The following CSMD1 variants were observed in gnomAD, a reference collection of about 807,000 sequenced individuals.
CSMD1 encodes CUB and Sushi multiple domains 1.
A neutral mutation model predicts 417.5 loss-of-function variants in CSMD1; 213 were observed. That is an observed-to-expected ratio of 0.51 (90% CI 0.46 to 0.57). The LOEUF is 0.57. Among genes scored for constraint, CSMD1 ranks in the 20% least tolerant of loss-of-function variants. The pLI, the probability that CSMD1 is intolerant of heterozygous loss-of-function variation, is 0.00. For missense variants in CSMD1, 6,923 were observed against 4,529.7 expected, an observed-to-expected ratio of 1.53 and a Z score of -15.17; for synonymous variants, 2,862 against 1,736.8, an observed-to-expected ratio of 1.65 and a Z score of -16.11.
chr8:3,986,501 A>G (rs1023174984), intron 5 of CSMD1, among the ~76,000 whole-genome samples: 1 of 152,184 alleles, frequency 6.6e-6, no homozygotes, highest in Non-Finnish European at 1.5e-5. Flanking sequence ...TACCAAAAGC[A>G]AGATCCTTCT....
intron 3 of CSMD1, among the ~76,000 whole-genome samples, chr8:4,166,693 A>G (rs1012394783): frequency 4.6e-5 from 7 of 152,168 alleles, no homozygotes; most frequent in Non-Finnish European, 1.0e-4. Flanking sequence ...AAATCAAGAA[A>G]ATCAGCTCTA....
At chr8:4,671,077 C>G (rs1458138703) in intron 1 of CSMD1, among the ~76,000 whole-genome samples, 1 of 152,196 alleles carries the variant, frequency 6.6e-6, no homozygotes, top group Admixed American at 6.5e-5. Flanking sequence ...CAAAGCAGAA[C>G]CCTGCTGGTT....
chr8:3,457,166 C>G (rs1816204425), intron 12 of CSMD1, among the ~76,000 whole-genome samples: 1 of 125,806 alleles, frequency 7.9e-6, no homozygotes, highest in Non-Finnish European at 1.9e-5. Context: ...TCCTGTACCT[C>G]TCTTCCTGGA....
At chr8:3,308,732 G>GTTTTTTTTTTTTTTT (rs5888961) in intron 23 of CSMD1, among the ~76,000 whole-genome samples, 1 of 108,930 alleles carries the variant, frequency 9.2e-6, no homozygotes, top group African/African-American at 3.6e-5. Context: ...CTACTTACAA[G>GTTTTTTTTTTTTTTT]TTTTTTTTTT....
chr8:3,773,855 T>C (rs959834463), intron 5 of CSMD1, among the ~76,000 whole-genome samples: 13 of 152,184 alleles, frequency 8.5e-5, no homozygotes, highest in Admixed American at 7.9e-4. Context: ...ATTGTATTTA[T>C]TTTGATCATT....
At chr8:3,409,364 C>G (rs922418945) in intron 13 of CSMD1, 59 bp downstream of exon 13, 17 of 1,416,910 alleles carry the variant, frequency 1.2e-5, no homozygotes, top group Non-Finnish European at 1.6e-5. Flanking sequence ...TTCTCCTTTT[C>G]TCCCCTTGCA....
intron 10 of CSMD1, among the ~76,000 whole-genome samples, chr8:3,534,886 T>G (rs968450984): frequency 1.3e-5 from 2 of 152,230 alleles, no homozygotes; most frequent in Non-Finnish European, 2.9e-5. Context: ...AGCTACTTGG[T>G]ACAAATGGTT....
intron 3 of CSMD1, among the ~76,000 whole-genome samples, chr8:4,397,360 C>T (rs777531958): frequency 4.0e-5 from 6 of 151,682 alleles, no homozygotes; most frequent in Admixed American, 1.3e-4. Flanking sequence ...AAGAGGAAGT[C>T]GAAAAAGATA....
intron 49 of CSMD1, among the ~76,000 whole-genome samples, chr8:3,060,025 G>C (rs1419048167): frequency 2.0e-5 from 3 of 152,220 alleles, no homozygotes; most frequent in East Asian, 3.9e-4. Flanking sequence ...TGAAGACCAT[G>C]AAGTATTTCT....
At chr8:4,345,514 G>T (rs1800729293) in intron 3 of CSMD1, among the ~76,000 whole-genome samples, 1 of 152,152 alleles carries the variant, frequency 6.6e-6, no homozygotes, top group Admixed American at 6.6e-5. Flanking sequence ...GTGACAAAGT[G>T]AAGAGACAAC....
chr8:3,764,739 CTTTTT>C (rs66603480), intron 5 of CSMD1, among the ~76,000 whole-genome samples: 21,869 of 130,008 alleles, frequency 0.17, 1,459 homozygotes, highest in Admixed American at 0.22. Context: ...TTTTCTCTTT[CTTTTT>C]TTTTTTTTTT....
intron 4 of CSMD1, among the ~76,000 whole-genome samples, chr8:4,009,110 T>G (rs1472964577): frequency 6.6e-6 from 1 of 152,180 alleles, no homozygotes; most frequent in African/African-American, 2.4e-5. Flanking sequence ...TAAAAAATGG[T>G]TGAACACCAC....
At chr8:3,705,788 G>C (rs1034291531) in intron 7 of CSMD1, among the ~76,000 whole-genome samples, 1 of 152,152 alleles carries the variant, frequency 6.6e-6, no homozygotes, top group Admixed American at 6.5e-5. Context: ...TGGTCTCCCA[G>C]AGGAACCCAG....
chr8:3,956,018 C>A (rs181321907), intron 5 of CSMD1, among the ~76,000 whole-genome samples: 2 of 152,320 alleles, frequency 1.3e-5, no homozygotes, highest in Admixed American at 1.3e-4. Context: ...TGGTCTCGAA[C>A]TCCTGACCTC....
At chr8:4,303,416 G>C (rs1172408366) in intron 3 of CSMD1, among the ~76,000 whole-genome samples, 3 of 127,398 alleles carry the variant, frequency 2.4e-5, no homozygotes, top group African/African-American at 5.8e-5. Flanking sequence ...TATTGGGCAG[G>C]AAGCTGTTTT....
At chr8:3,156,226 ACTGT>A (rs1219632484) in intron 39 of CSMD1, among the ~76,000 whole-genome samples, 1 of 152,188 alleles carries the variant, frequency 6.6e-6, no homozygotes, top group Non-Finnish European at 1.5e-5. Context: ...TTTGAGGCTG[ACTGT>A]CTGGACATAA....
At chr8:4,929,340 A>G (rs1807080757) in intron 1 of CSMD1, among the ~76,000 whole-genome samples, 1 of 152,100 alleles carries the variant, frequency 6.6e-6, no homozygotes, top group Non-Finnish European at 1.5e-5. Flanking sequence ...CACCTACCCT[A>G]TCACAGTTTG....
rs1309854588 is a variant in CSMD1 at position 4,118,817 on chromosome 8, C to G, written c.416-86718G>C. On this transcript the variant is annotated intron_variant, in intron 3 of 69. Transcript: ENST00000635120. ...TGTATGTTTATTACAGCACTATTCACAATAGCAAAGACTTGGAACCAACCC... is the reference window on the plus strand; with the variant it reads ...TGTATGTTTATTACAGCACTATTCAGAATAGCAAAGACTTGGAACCAACCC... 2.0e-5 allele frequency among the ~76,000 whole-genome samples: 3 copies of G among 152,160 alleles called. No homozygotes were observed. In the East Asian group the frequency reaches 5.8e-4, roughly 29 times the overall value.
intron 2 of CSMD1, among the ~76,000 whole-genome samples, chr8:4,475,406 T>TTGAG (rs1020309189): frequency 6.6e-6 from 1 of 152,256 alleles, no homozygotes; most frequent in Admixed American, 6.5e-5. Context: ...TGAAAACTTG[T>TTGAG]TGAGTGTTTC....
Sources: allele counts gnomAD v4.1 joint callset (sites outside exome capture counted in the v4.1 genomes callset), GRCh38; gene constraint gnomAD v4.1.1; transcripts MANE v1.5; gene names NCBI Gene and HGNC (gene_info 2026-07-23, HGNC 2026-07-21).